Variants in ZFHX3 observed in about 807,000 individuals in gnomAD.
ZFHX3 encodes the protein zinc finger homeobox protein 3.
ZFHX3 carries 42 observed loss-of-function variants against 279.1 expected under a neutral mutation model. The ratio of observed to expected loss-of-function variants is 0.15; its 90% CI spans 0.12 to 0.19. ZFHX3 has a LOEUF of 0.19. Among genes scored for constraint, ZFHX3 ranks in the 10% least tolerant of loss-of-function variants. The pLI is 1.00. For synonymous variants in ZFHX3, 2,293 were observed against 1,957.8 expected, an observed-to-expected ratio of 1.17 and a Z score of -4.52; for missense variants, 4,981 against 4,754.0, an observed-to-expected ratio of 1.05 and a Z score of -1.40.
intron 1 of ZFHX3, among the ~76,000 whole-genome samples, chr16:73,693,212 A>G (rs1323151944): frequency 1.3e-5 from 2 of 152,220 alleles, no homozygotes; most frequent in Non-Finnish European, 2.9e-5. Flanking sequence ...CAGAGATAAT[A>G]TATAAATATT....
At chr16:73,342,867 T>C (rs1340165215) in intron 3 of ZFHX3, among the ~76,000 whole-genome samples, 2 of 152,142 alleles carry the variant, frequency 1.3e-5, no homozygotes, top group Non-Finnish European at 2.9e-5. Context: ...AAAAAGTATT[T>C]CAAATGAGCA....
intron 1 of ZFHX3, among the ~76,000 whole-genome samples, chr16:73,012,559 T>C (rs1963952933): frequency 6.6e-6 from 1 of 152,058 alleles, no homozygotes; most frequent in Non-Finnish European, 1.5e-5. Context: ...GGCTACACAC[T>C]ACAGCAGCAA....
chr16:73,521,254 A>G (rs1332320042), intron 2 of ZFHX3, among the ~76,000 whole-genome samples: 1 of 152,178 alleles, frequency 6.6e-6, no homozygotes, highest in African/African-American at 2.4e-5. Flanking sequence ...TTGTGGAGCA[A>G]TCTCATCCAC....
At chr16:72,916,841 C>T (rs752936148) in intron 3 of ZFHX3, among the ~76,000 whole-genome samples, 29 of 152,070 alleles carry the variant, frequency 1.9e-4, no homozygotes, top group Middle Eastern at 3.2e-3. Context: ...AAATAAACTC[C>T]AGATGGATAA....
At chr16:73,120,510 G>C (rs542671140) in intron 7 of ZFHX3, among the ~76,000 whole-genome samples, 1 of 152,260 alleles carries the variant, frequency 6.6e-6, no homozygotes, top group African/African-American at 2.4e-5. Context: ...CTGGGCTCAA[G>C]TGATCCTTTC....
intron 1 of ZFHX3, among the ~76,000 whole-genome samples, chr16:73,804,458 G>A (rs1011972175): frequency 2.6e-5 from 4 of 152,190 alleles, no homozygotes; most frequent in African/African-American, 9.7e-5. Context: ...TTGAATGGAT[G>A]AGCATTAAGC....
chr16:73,277,626 G>A (rs556825330), intron 4 of ZFHX3, among the ~76,000 whole-genome samples: 236 of 152,194 alleles, frequency 1.6e-3, no homozygotes, highest in Non-Finnish European at 3.0e-3. Context: ...AATAAAGCTG[G>A]GGAATTCATC....
rs78090218 is a variant in ZFHX3 at position 73,461,944 on chromosome 16, A to T, written c.-1546-5686T>A. Among the ~76,000 whole-genome samples the T allele has an allele frequency of 7.8e-3, 1,182 of 152,276 alleles. 10 individuals are homozygous for T. Among genetic ancestry groups the T allele is most frequent in the African/African-American group, 0.026 (1,094 of 41,570 alleles). ...CGGATAGGAATTAGACTAAGCCTATATATCAGTTTTGAGGAAAATTGACAT... is the reference window on the plus strand; with the variant it reads ...CGGATAGGAATTAGACTAAGCCTATTTATCAGTTTTGAGGAAAATTGACAT... On this transcript the variant is annotated intron_variant, in intron 2 of 17. Transcript: ENST00000641206.
At chr16:73,488,352 G>A (rs2019007884) in intron 2 of ZFHX3, among the ~76,000 whole-genome samples, 1 of 152,178 alleles carries the variant, frequency 6.6e-6, no homozygotes, top group Non-Finnish European at 1.5e-5. Flanking sequence ...AGAGCAACAT[G>A]GACCTGCACG....
intron 1 of ZFHX3, among the ~76,000 whole-genome samples, chr16:73,845,432 C>T (rs906256316): frequency 4.0e-5 from 6 of 151,770 alleles, no homozygotes; most frequent in South Asian, 2.1e-4. Context: ...GTGCACTTAG[C>T]GAGTGGATTT....
At chr16:73,775,913 T>G (rs949372262) in intron 1 of ZFHX3, among the ~76,000 whole-genome samples, 6 of 152,100 alleles carry the variant, frequency 3.9e-5, no homozygotes, top group Non-Finnish European at 5.9e-5. Flanking sequence ...GCCACTTCCT[T>G]TTTCTGATCT....
intron 1 of ZFHX3, among the ~76,000 whole-genome samples, chr16:73,004,264 C>A (rs1401428665): frequency 6.9e-6 from 1 of 144,710 alleles, no homozygotes; most frequent in Non-Finnish European, 1.5e-5. Context: ...CTCAGCCTCC[C>A]AAAGTGCTAG....
chr16:73,064,823 G>T (rs1278681538), intron 8 of ZFHX3, among the ~76,000 whole-genome samples: 3 of 152,226 alleles, frequency 2.0e-5, no homozygotes, highest in Non-Finnish European at 4.4e-5. Flanking sequence ...TCCAACCTTG[G>T]GGCAGGAGGC....
intron 5 of ZFHX3, among the ~76,000 whole-genome samples, chr16:73,160,885 T>C (rs1967218836): frequency 6.6e-6 from 1 of 151,956 alleles, no homozygotes; most frequent in African/African-American, 2.4e-5. Context: ...CACACATTTT[T>C]CTCCCCTTTT....
At chr16:73,498,880 G>A (rs1317145650) in intron 2 of ZFHX3, among the ~76,000 whole-genome samples, 1 of 152,160 alleles carries the variant, frequency 6.6e-6, no homozygotes, top group African/African-American at 2.4e-5. Context: ...GGCGGGGCAG[G>A]GAGTGAGTGC....
chr16:72,920,756 C>A (rs2039564475), intron 3 of ZFHX3, among the ~76,000 whole-genome samples: 1 of 151,158 alleles, frequency 6.6e-6, no homozygotes, highest in Non-Finnish European at 1.5e-5. Context: ...AAGTGGAAGA[C>A]AACAACTTTT....
intron 3 of ZFHX3, among the ~76,000 whole-genome samples, chr16:72,897,154 G>A (rs2038919759): frequency 6.6e-6 from 1 of 152,200 alleles, no homozygotes; most frequent in Non-Finnish European, 1.5e-5. Flanking sequence ...ACTCTTCTCA[G>A]TCCATTGAAC....
rs150034422 is a variant in ZFHX3, at chr16:72,957,568, C to T, written c.2578G>A (p.Glu860Lys). 18 of 1,614,136 alleles carry T rather than the reference C, an allele frequency of 1.1e-5. No homozygotes were observed. The highest frequency in any genetic ancestry group is 5.3e-5 in the African/African-American group (4 of 75,022). Residue 860 changes from glutamate (E) to lysine (K), a missense_variant, in exon 2 of 10, where the codon GAG becomes AAG. Physicochemically the swap from Glu to Lys is moderately conservative, Grantham distance 56. Transcript: ENST00000268489. Reference protein sequence around the residue: ...LGSLPSPAEAELYQYYLAQNM... With the variant: ...LGSLPSPAEAKLYQYYLAQNM... ...TGGGCCAGGTAGTATTGGTAGAGCT[C>T]GGCCTCGGCGGGTGAGGGCAGGCTG...
chr16:73,281,026 AGAGGGGAGGG>A (rs1191275988), intron 4 of ZFHX3, among the ~76,000 whole-genome samples: 6 of 70,320 alleles, frequency 8.5e-5, no homozygotes, highest in African/African-American at 1.5e-4. Context: ...AGAGGAGAGG[AGAGGGGAGGG>A]GAGGGGAGGG....
Sources: allele counts gnomAD v4.1 joint callset (sites outside exome capture counted in the v4.1 genomes callset), GRCh38; gene constraint gnomAD v4.1.1; transcripts MANE v1.5; gene names NCBI Gene and HGNC (gene_info 2026-07-23, HGNC 2026-07-21).